Variants in TOP2B observed in about 807,000 individuals in gnomAD.
TOP2B encodes DNA topoisomerase 2-beta.
A neutral mutation model predicts 193.5 loss-of-function variants in TOP2B; 51 were observed. The observed-to-expected ratio is 0.26, with a 90% CI of 0.21 to 0.33. The LOEUF (loss-of-function observed/expected upper bound fraction) is 0.33. Among genes scored for constraint, TOP2B ranks in the 10% least tolerant of loss-of-function variants. The pLI, the probability that TOP2B is intolerant of heterozygous loss-of-function variation, is 1.00. For missense variants in TOP2B, 1,378 were observed against 1,909.3 expected (o/e 0.72, Z 5.19); for synonymous variants, 634 against 635.7 (o/e 1.00, Z 0.04).
In TOP2B at chr3:25,630,460, T is replaced by C. The variant is rs776118307; in HGVS notation, c.1415A>G (p.His472Arg). Reference protein sequence around the residue: ...LDDANDAGGKHSLECTLILTE... With the variant: ...LDDANDAGGKRSLECTLILTE... ...TAATATCAGTGTACACTCCAGGGAA[T>C]GTTTACCACCTGAGAGAAATTTAAA... Residue 472 changes from histidine to arginine, a missense_variant, in exon 12 of 36, where the codon CAT (histidine) becomes CGT (arginine). Around this residue, in one of 9 missense-constraint regions of TOP2B, gnomAD observed 66 missense variants for 153.3 expected, o/e 0.43. Transcript: ENST00000264331. 5 of 1,540,236 alleles carry C rather than the reference T, an allele frequency of 3.2e-6. No homozygotes were observed. The highest frequency in any genetic ancestry group is 4.4e-6 in the Non-Finnish European group (5 of 1,142,692).
At chr3:25,652,396 C>T (rs1430029750) in intron 1 of TOP2B, among the ~76,000 whole-genome samples, 2 of 152,216 alleles carry the variant, frequency 1.3e-5, no homozygotes, top group African/African-American at 4.8e-5. Flanking sequence ...GCACTTGGAA[C>T]ATTCTCCAAC....
intron 4 of TOP2B, among the ~76,000 whole-genome samples, chr3:25,640,956 GT>G (rs1029496432): frequency 2.0e-5 from 3 of 151,674 alleles, no homozygotes; most frequent in Admixed American, 2.0e-4. Flanking sequence ...TTGTTTGTTT[GT>G]TTTTTGTAGA....
chr3:25,637,414 A>G (rs1440784644), intron 5 of TOP2B, 102 bp from the exon 6 acceptor site: 2 of 711,732 alleles, frequency 2.8e-6, no homozygotes, highest in Non-Finnish European at 4.7e-6. Flanking sequence ...CTGTTCCACT[A>G]ACTGCATTAC....
At position 25,612,042 on chromosome 3, in the gene TOP2B, G is replaced by A. The variant is rs184644554; in HGVS notation, c.3786+473C>T. On this transcript the variant is annotated intron_variant, in intron 28 of 35. Transcript: ENST00000264331. ...ACTGCAAGCTCCGCCTCCCGGGTTC[G>A]CACCATTCTCCTGCCTCAGCCTCCC... 5.7e-3 allele frequency among the ~76,000 whole-genome samples: 872 copies of A among 151,728 alleles called. 9 individuals carry two copies. The highest frequency in any genetic ancestry group is 0.02 in the African/African-American group (839 of 41,378).
chr3:25,640,140 AT>A lies in TOP2B; in HGVS notation c.396-1831del, dbSNP rs374049661. ...GCAAAAATTGCACCTCTGAAATAAC[AT>A]TTATTTTAATCAAAATAATACTAAT... is the stretch of plus-strand genomic sequence containing the variant. On this transcript the variant is annotated intron_variant, in intron 4 of 35. Coordinates refer to ENST00000264331, the MANE Select transcript of TOP2B (RefSeq NM_001330700.2). Among the ~76,000 whole-genome samples the A allele has an allele frequency of 3.8e-4, 58 of 152,330 alleles. No individual in the cohort carries two copies. The East Asian group carries it at 6.6e-3, about 17-fold the overall frequency.
At chr3:25,630,771 CA>C (rs751060309) in intron 11 of TOP2B, 29 bp downstream of exon 11, 1 of 1,484,782 alleles carries the variant, frequency 6.7e-7, no homozygotes, top group Admixed American at 2.6e-5. Flanking sequence ...AAACTTAAAT[CA>C]AAATCTTATT....
chr3:25,663,762 T>C (rs1043916561), intron 1 of TOP2B, among the ~76,000 whole-genome samples: 2 of 152,162 alleles, frequency 1.3e-5, no homozygotes, highest in African/African-American at 4.8e-5. Flanking sequence ...CAATGCATTC[T>C]TCTTTGAGAT....
At position 25,607,256 on chromosome 3, in the gene TOP2B, C is replaced by T; in HGVS notation, c.4213G>A (p.Asp1405Asn). 14 of 1,596,858 alleles carry T rather than the reference C, an allele frequency of 8.8e-6. No homozygotes were observed. Among genetic ancestry groups the T allele is most frequent in the Non-Finnish European group, 1.2e-5 (14 of 1,170,022 alleles). The change falls in exon 31 of 36, where the codon GAT becomes AAT. Residue 1405 changes from aspartate (D) to asparagine (N), a missense_variant. Asp to Asn is a conservative substitution (Grantham distance 23, BLOSUM62 1). Transcript: ENST00000264331. ...GAAGGAACAAATTCATCTTCCCCAT[C>T]ATTTGTTATGGGAGATGCTTTAACT... is the stretch of plus-strand genomic sequence containing the variant. ...LKVKASPITNDGEDEFVPSDG... is the reference protein window; with the variant it reads ...LKVKASPITNNGEDEFVPSDG...
chr3:25,657,873 A>C (rs1703792450), intron 1 of TOP2B, among the ~76,000 whole-genome samples: 1 of 134,952 alleles, frequency 7.4e-6, no homozygotes, highest in South Asian at 2.3e-4. Flanking sequence ...CATCCCGGCT[A>C]AAACGGTGAA....
At chr3:25,603,211 G>C (rs1157659144) in intron 33 of TOP2B, among the ~76,000 whole-genome samples, 1 of 152,084 alleles carries the variant, frequency 6.6e-6, no homozygotes, top group African/African-American at 2.4e-5. Context: ...CTCATATGAA[G>C]ATTATTTTTT....
At chr3:25,615,377 G>T (rs1244005043) in intron 26 of TOP2B, 54 bp downstream of exon 26, 2 of 1,536,224 alleles carry the variant, frequency 1.3e-6, no homozygotes, top group Non-Finnish European at 1.7e-6. Flanking sequence ...AAAAGAAAAA[G>T]ATACAGATAA....
Position 25,664,728 on chromosome 3 carries a change from G to C in TOP2B, c.-431C>G. On this transcript the variant is annotated 5_prime_UTR_variant, in exon 1 of 36. Coordinates refer to ENST00000264331, the MANE Select transcript of TOP2B (RefSeq NM_001330700.2). ...CCTTGTCCTTCTCACACTCCGCGAA[G>C]GCCAGCCACTCGAGTCGCCAGAGTA... 1 of 987,364 alleles carries C rather than the reference G, an allele frequency of 1.0e-6. No homozygotes were observed. The highest frequency in any genetic ancestry group is 1.2e-6 in the Non-Finnish European group (1 of 830,240). The allele number at this position is 987,364 out of a possible 1,614,324, so 61.2% of individuals were successfully genotyped here.
intron 1 of TOP2B, among the ~76,000 whole-genome samples, chr3:25,646,578 C>T (rs1703421093): frequency 1.3e-5 from 2 of 152,126 alleles, no homozygotes. Flanking sequence ...ATTGTGATGG[C>T]CTATCTTTTC....
At chr3:25,658,893 T>C (rs115877515) in intron 1 of TOP2B, among the ~76,000 whole-genome samples, 2,043 of 152,242 alleles carry the variant, frequency 0.013, 51 homozygotes, top group African/African-American at 0.044. Flanking sequence ...ACCTGAAATA[T>C]AGCAATTTGG....
chr3:25,630,172 G>C lies in TOP2B; in HGVS notation c.1564-18C>G. 6.5e-7 allele frequency: 1 copy of C among 1,535,912 alleles called. No homozygotes were observed. The highest frequency in any genetic ancestry group is 8.7e-7 in the Non-Finnish European group (1 of 1,142,926). On this transcript the variant is annotated intron_variant, in intron 12 of 35. Coordinates refer to ENST00000264331, the MANE Select transcript of TOP2B (RefSeq NM_001330700.2). ...TCCATGATCTGTTCAAAAAGGAAAA[G>C]CACTGAGAGTAGTTTGAAGTGTTGA...
chr3:25,636,107 A>C lies in TOP2B; in HGVS notation c.681T>G (p.Ile227Met). The change falls in exon 7 of 36, where the codon ATT (isoleucine) becomes ATG (methionine). Residue 227 changes from isoleucine to methionine, a missense_variant. Physicochemically the swap from Ile to Met is conservative, Grantham distance 10. Around this residue, in one of 9 missense-constraint regions of TOP2B, gnomAD observed 222 missense variants for 306.6 expected, o/e 0.72. Coordinates refer to ENST00000264331, the MANE Select transcript of TOP2B (RefSeq NM_001330700.2). ...TGTAATCTTCACCATCAAAATGTTT[A>C]ATTTTGGCTTCAGAAGTCTTCATCA... ...NNMMKTSEAK[I>M]KHFDGEDYTC... is the part of the protein sequence containing the mutation. The C allele has an allele frequency of 6.2e-7, 1 of 1,607,256 alleles. No homozygotes were observed. Among genetic ancestry groups the C allele is most frequent in the African/African-American group, 1.3e-5 (1 of 74,962 alleles).
At chr3:25,624,850 G>C in intron 18 of TOP2B, 47 bp from the exon 19 acceptor site, 1 of 1,570,474 alleles carries the variant, frequency 6.4e-7, no homozygotes, top group Non-Finnish European at 8.6e-7. Flanking sequence ...AGATATAGTT[G>C]TAACAATTCA....
At chr3:25,613,542 G>A (rs569316463) in intron 27 of TOP2B, among the ~76,000 whole-genome samples, 1 of 152,110 alleles carries the variant, frequency 6.6e-6, no homozygotes, top group Non-Finnish European at 1.5e-5. Context: ...CACCAGCCTA[G>A]GCAACATAAC....
chr3:25,634,343 C>T (rs1224949601), intron 7 of TOP2B, among the ~76,000 whole-genome samples: 1 of 151,996 alleles, frequency 6.6e-6, no homozygotes, highest in African/African-American at 2.4e-5. Flanking sequence ...AAAAAGCTTC[C>T]ATCCTTGTAA....
Sources: allele counts gnomAD v4.1 joint callset (sites outside exome capture counted in the v4.1 genomes callset), GRCh38; gene constraint gnomAD v4.1.1; regional missense constraint gnomAD v4.1.1; transcripts MANE v1.5; gene names NCBI Gene and HGNC (gene_info 2026-07-23, HGNC 2026-07-21).